Variants in ZSWIM5 observed in about 807,000 individuals in gnomAD.
ZSWIM5 encodes the protein zinc finger SWIM domain-containing protein 5.
ZSWIM5 carries 55 observed loss-of-function variants against 119.6 expected under a neutral mutation model. The ratio of observed to expected loss-of-function variants is 0.46; its 90% confidence interval spans 0.37 to 0.58. ZSWIM5 has a LOEUF of 0.58. Among genes scored for constraint, ZSWIM5 ranks in the 20% least tolerant of loss-of-function variants. The probability of loss-of-function intolerance (pLI) is 0.00; values close to 1 mark genes in which losing one functional copy is unlikely to be tolerated. For missense variants in ZSWIM5, 1,193 were observed against 1,512.8 expected, an observed-to-expected ratio of 0.79 and a Z score of 3.51; for synonymous variants, 537 against 606.9, an observed-to-expected ratio of 0.88 and a Z score of 1.69.
intron 1 of ZSWIM5, among the ~76,000 whole-genome samples, chr1:45,090,481 G>A (rs1243641568): frequency 6.6e-6 from 1 of 152,062 alleles, no homozygotes; most frequent in Non-Finnish European, 1.5e-5. Flanking sequence ...TGGGCAACAT[G>A]GCTCAGGTGC....
intron 1 of ZSWIM5, among the ~76,000 whole-genome samples, chr1:45,191,729 G>A (rs1026043732): frequency 6.6e-6 from 1 of 152,172 alleles, no homozygotes; most frequent in African/African-American, 2.4e-5. Context: ...TGGGATTTGG[G>A]CCCAGGTCTC....
At chr1:45,053,419 T>G (rs1341390473) in intron 4 of ZSWIM5, among the ~76,000 whole-genome samples, 2 of 152,100 alleles carry the variant, frequency 1.3e-5, no homozygotes, top group Non-Finnish European at 2.9e-5. Flanking sequence ...AACAGGGTGC[T>G]AATTCTAGTC....
chr1:45,080,514 G>A (rs892353883), intron 2 of ZSWIM5, among the ~76,000 whole-genome samples: 3 of 152,168 alleles, frequency 2.0e-5, no homozygotes, highest in African/African-American at 7.2e-5. Context: ...TTGGGGAGGT[G>A]TGGCACTGGT....
intron 1 of ZSWIM5, among the ~76,000 whole-genome samples, chr1:45,187,578 G>C (rs527722347): frequency 6.6e-6 from 1 of 151,884 alleles, no homozygotes; most frequent in African/African-American, 2.4e-5. Flanking sequence ...AAAGAAAAAA[G>C]CAACCGAGAA....
At chr1:45,050,882 C>G (rs772969355) in intron 5 of ZSWIM5, among the ~76,000 whole-genome samples, 192 bp downstream of exon 5, 1 of 152,156 alleles carries the variant, frequency 6.6e-6, no homozygotes, top group African/African-American at 2.4e-5. Flanking sequence ...AGGACAGCAA[C>G]TCAATGTCAA....
At chr1:45,145,973 T>G (rs1419040833) in intron 1 of ZSWIM5, among the ~76,000 whole-genome samples, 1 of 152,144 alleles carries the variant, frequency 6.6e-6, no homozygotes, top group Non-Finnish European at 1.5e-5. Context: ...AGTGATCAAC[T>G]ATACCAAAAA....
At chr1:45,111,770 G>A (rs1645520079) in intron 1 of ZSWIM5, among the ~76,000 whole-genome samples, 2 of 152,228 alleles carry the variant, frequency 1.3e-5, no homozygotes, top group African/African-American at 4.8e-5. Flanking sequence ...GATGTATGTG[G>A]TTGCATTGGG....
Position 45,206,472 on chromosome 1 carries a change from A to G in ZSWIM5, c.-122T>C. On this transcript the variant is annotated 5_prime_UTR_variant, in exon 1 of 14. Coordinates refer to ENST00000359600, the MANE Select transcript of ZSWIM5 (RefSeq NM_020883.2). ...GTGGCGCCGAGGGGGGCGGGGCGAG[A>G]GAACCCGCGAGCCAGCCGGCCCGAG... 1 of 1,194,010 alleles carries G rather than the reference A, an allele frequency of 8.4e-7. No homozygotes were observed. The highest frequency in any genetic ancestry group is 1.0e-6 in the Non-Finnish European group (1 of 964,280). The allele number at this position is 1,194,010 out of a possible 1,614,324, so 74.0% of individuals were successfully genotyped here. A position where few individuals can be genotyped will look rare whatever the true frequency, so the allele number is the denominator to read the frequency against.
chr1:45,087,187 T>G (rs1450240628), intron 2 of ZSWIM5, among the ~76,000 whole-genome samples: 1 of 152,100 alleles, frequency 6.6e-6, no homozygotes, highest in African/African-American at 2.4e-5. Context: ...CCTGGCCCCT[T>G]CTTTAAAATT....
At chr1:45,185,493 C>A (rs555805849) in intron 1 of ZSWIM5, among the ~76,000 whole-genome samples, 2 of 145,210 alleles carry the variant, frequency 1.4e-5, no homozygotes, top group East Asian at 2.1e-4. Flanking sequence ...ATTTTTGCAA[C>A]CTACTCATCT....
At chr1:45,089,711 T>A (rs778334064) in intron 1 of ZSWIM5, among the ~76,000 whole-genome samples, 1 of 152,154 alleles carries the variant, frequency 6.6e-6, no homozygotes, top group Admixed American at 6.5e-5. Context: ...GTGGCTCACA[T>A]ATGTAATCCC....
At chr1:45,128,776 T>C (rs1377932551) in intron 1 of ZSWIM5, among the ~76,000 whole-genome samples, 1 of 152,196 alleles carries the variant, frequency 6.6e-6, no homozygotes, top group African/African-American at 2.4e-5. Flanking sequence ...GCTCCACTTA[T>C]TCATCCTTTC....
At chr1:45,176,558 C>T (rs1645983132) in intron 1 of ZSWIM5, among the ~76,000 whole-genome samples, 1 of 152,148 alleles carries the variant, frequency 6.6e-6, no homozygotes, top group African/African-American at 2.4e-5. Context: ...AGCCACCGCG[C>T]CCGGCCTGGT....
chr1:45,043,256 T>C lies in ZSWIM5; in HGVS notation c.1572A>G (p.Arg524=). ...TAPACQRESE[R]LLFNSQGQPL... is the part of the protein sequence containing the mutation. ...GCTGGCCTTGGGAATTAAAGAGTAG[T>C]CTTTCACTTTCCCGCTGGCAGGCAG... is the stretch of plus-strand genomic sequence containing the variant. The change falls in exon 6 of 14, where the codon AGA becomes AGG. Residue 524 remains arginine, a synonymous_variant. Transcript: ENST00000359600. 1.9e-6 allele frequency: 3 copies of C among 1,614,044 alleles called. No individual in the cohort carries two copies. Among genetic ancestry groups the C allele is most frequent in the Non-Finnish European group, 2.5e-6 (3 of 1,179,974 alleles).
chr1:45,164,358 G>A (rs1022001233), intron 1 of ZSWIM5, among the ~76,000 whole-genome samples: 11 of 152,074 alleles, frequency 7.2e-5, no homozygotes, highest in African/African-American at 2.4e-4. Context: ...ACCAGCCACT[G>A]CAAAAACATG....
At chr1:45,155,252 T>C (rs1326477817) in intron 1 of ZSWIM5, among the ~76,000 whole-genome samples, 1 of 151,898 alleles carries the variant, frequency 6.6e-6, no homozygotes, top group East Asian at 1.9e-4. Flanking sequence ...AAAGAAGATA[T>C]ACAAATGACA....
At chr1:45,086,284 C>T (rs771101037) in intron 2 of ZSWIM5, among the ~76,000 whole-genome samples, 1 of 152,176 alleles carries the variant, frequency 6.6e-6, no homozygotes, top group Non-Finnish European at 1.5e-5. Flanking sequence ...AAGGCCCCTC[C>T]TCCAACATGG....
intron 1 of ZSWIM5, among the ~76,000 whole-genome samples, chr1:45,147,616 G>T (rs1435119763): frequency 7.0e-6 from 1 of 142,226 alleles, no homozygotes; most frequent in Non-Finnish European, 1.5e-5. Context: ...GAAGAAACCA[G>T]TTGGACATAT....
intron 2 of ZSWIM5, among the ~76,000 whole-genome samples, chr1:45,083,346 G>C (rs1269938619): frequency 2.0e-5 from 3 of 152,012 alleles, no homozygotes; most frequent in African/African-American, 7.3e-5. Flanking sequence ...GACATCCTGG[G>C]CTCAAGCAAT....
Sources: gnomAD v4.1 joint callset for allele counts (sites outside exome capture counted in the v4.1 genomes callset) on GRCh38, gnomAD v4.1.1 for gene constraint, MANE v1.5 for transcripts, NCBI Gene and HGNC (gene_info 2026-07-23, HGNC 2026-07-21) for gene names.